Variants in CCDC7 observed in about 807,000 individuals in gnomAD.
CCDC7 encodes the protein coiled-coil domain-containing protein 7.
CCDC7 carries 183 observed loss-of-function variants against 196.9 expected under a neutral mutation model. That is an observed-to-expected ratio of 0.93 (90% CI 0.82 to 1.05). The LOEUF (loss-of-function observed/expected upper bound fraction) is 1.05. Ranked by LOEUF, CCDC7 falls within the 50% of genes least tolerant of loss-of-function variation. The pLI is 0.00. For missense variants in CCDC7, 1,540 were observed against 1,482.2 expected, an observed-to-expected ratio of 1.04 and a Z score of -0.64; for synonymous variants, 525 against 484.6, an observed-to-expected ratio of 1.08 and a Z score of -1.10.
exon 1 of CCDC7, chr10:32,451,797 T>C: frequency 6.2e-7 from 1 of 1,614,080 alleles, no homozygotes; most frequent in Admixed American, 1.7e-5. Flanking sequence ...GAACCAATGG[T>C]CCTAAGATCT....
At chr10:32,818,546 C>A (rs1013435183) in intron 31 of CCDC7, among the ~76,000 whole-genome samples, 8 of 152,168 alleles carry the variant, frequency 5.3e-5, no homozygotes, top group Non-Finnish European at 8.8e-5. Context: ...TTCTTTTCAG[C>A]ACCACACCAC....
intron 22 of CCDC7, among the ~76,000 whole-genome samples, chr10:32,688,837 T>G (rs983221021): frequency 1.3e-5 from 2 of 152,172 alleles, no homozygotes; most frequent in Non-Finnish European, 2.9e-5. Flanking sequence ...TAAAACATAT[T>G]CAAAGTGCAG....
chr10:32,770,509 A>G lies in CCDC7; in HGVS notation c.2906-8468A>G, dbSNP rs536513904. On this transcript the variant is annotated intron_variant, in intron 28 of 41. Coordinates refer to ENST00000639629, the Ensembl canonical transcript of CCDC7. ...ATAAGATTTTGATTTTATAAAATTT[A>G]TCAGGATTTGTTTTGTGGCCTATTA... is the stretch of plus-strand genomic sequence containing the variant. 4.6e-5 allele frequency among the ~76,000 whole-genome samples: 7 copies of G among 152,262 alleles called. No homozygotes were observed. The South Asian group carries it at 1.5e-3, about 32-fold the overall frequency.
At chr10:32,851,812 A>T (rs370936864) in exon 40 of CCDC7, 18 of 1,608,116 alleles carry the variant, frequency 1.1e-5, no homozygotes, top group African/African-American at 2.7e-5. Context: ...TCTAGAGGAA[A>T]CTTATGAGTA....
At chr10:32,739,865 C>CA (rs1202377025) in intron 28 of CCDC7, among the ~76,000 whole-genome samples, 1 of 151,668 alleles carries the variant, frequency 6.6e-6, no homozygotes, top group Admixed American at 6.6e-5. Flanking sequence ...TTTGCCCCCC[C>CA]CCACCAAACT....
At chr10:32,781,054 G>A (rs1233923428) in intron 29 of CCDC7, among the ~76,000 whole-genome samples, 1 of 151,968 alleles carries the variant, frequency 6.6e-6, no homozygotes, top group Admixed American at 6.6e-5. Flanking sequence ...CAAAAAAACT[G>A]GATAACCTAG....
intron 20 of CCDC7, among the ~76,000 whole-genome samples, chr10:32,662,087 C>T (rs2071592054): frequency 6.6e-6 from 1 of 152,164 alleles, no homozygotes; most frequent in Non-Finnish European, 1.5e-5. Flanking sequence ...CATAGGTGGG[C>T]ATCAGCTGAG....
rs1588716701 is a variant in CCDC7, at chr10:32,456,481, ATTTT to A, written c.456+150_456+153del. On this transcript the variant is annotated intron_variant, in intron 3 of 41. Coordinates refer to ENST00000639629, the Ensembl canonical transcript of CCDC7. Reference sequence around the variant, plus strand: ...TGGCATTGGAAAACATTATTTATTTATTTTTTATTCTTTTTTTTTAATCATCATC... The same window carrying A: ...TGGCATTGGAAAACATTATTTATTTATTATTCTTTTTTTTTAATCATCATC... 3 of 598,404 alleles carry A rather than the reference ATTTT, an allele frequency of 5.0e-6. No individual in the cohort carries two copies. In the East Asian group the frequency reaches 1.1e-4, roughly 22 times the overall value. 37.1% of individuals were successfully genotyped at this position (598,404 alleles called of 1,614,324 possible). A position where few individuals can be genotyped will look rare whatever the true frequency, so the allele number is the denominator to read the frequency against.
At chr10:32,798,460 C>T (rs543212416) in intron 29 of CCDC7, among the ~76,000 whole-genome samples, 93 of 152,292 alleles carry the variant, frequency 6.1e-4, no homozygotes, top group African/African-American at 1.8e-3. Flanking sequence ...GTCCACAGAA[C>T]GGGTCATCCT....
intron 16 of CCDC7, among the ~76,000 whole-genome samples, chr10:32,580,702 C>A (rs1458280958): frequency 6.6e-6 from 1 of 151,682 alleles, no homozygotes; most frequent in African/African-American, 2.4e-5. Flanking sequence ...TAATTTGTCT[C>A]GTATTTGCAT....
intron 9 of CCDC7, among the ~76,000 whole-genome samples, chr10:32,504,985 ATTG>A (rs1183087908): frequency 2.6e-5 from 4 of 152,128 alleles, no homozygotes; most frequent in African/African-American, 9.7e-5. Context: ...TGAACTGTCT[ATTG>A]TTGTAAATGA....
chr10:32,683,546 A>G lies in CCDC7; in HGVS notation c.2123-2424A>G, dbSNP rs923058708. On this transcript the variant is annotated intron_variant, in intron 21 of 41. Coordinates refer to ENST00000639629, the Ensembl canonical transcript of CCDC7. ...CTGTAGTTTGATAGGAATAGCATAGAATATGTAAATTGCTTTGAGTAGTAT... is the reference window on the plus strand; with the variant it reads ...CTGTAGTTTGATAGGAATAGCATAGGATATGTAAATTGCTTTGAGTAGTAT... 9.2e-5 allele frequency among the ~76,000 whole-genome samples: 14 copies of G among 152,220 alleles called. No homozygotes were observed. The South Asian group carries it at 1.0e-3, about 11-fold the overall frequency.
intron 29 of CCDC7, among the ~76,000 whole-genome samples, chr10:32,795,669 T>G (rs1592831581): frequency 6.6e-6 from 1 of 152,328 alleles, no homozygotes; most frequent in African/African-American, 2.4e-5. Flanking sequence ...TATTTATTTG[T>G]CTTCTTTGTC....
chr10:32,562,484 A>G (rs2055890618), intron 13 of CCDC7, among the ~76,000 whole-genome samples: 1 of 152,206 alleles, frequency 6.6e-6, no homozygotes, highest in Non-Finnish European at 1.5e-5. Context: ...CTGGGATGCA[A>G]GGCTGGTTCA....
At chr10:32,490,003 C>G (rs1407271691) in intron 8 of CCDC7, among the ~76,000 whole-genome samples, 1 of 152,070 alleles carries the variant, frequency 6.6e-6, no homozygotes, top group African/African-American at 2.4e-5. Flanking sequence ...TATTAGTTAT[C>G]TCAGTGGTGA....
intron 40 of CCDC7, among the ~76,000 whole-genome samples, 179 bp from the exon 42 acceptor site, chr10:32,854,221 C>T (rs548407069): frequency 3.3e-5 from 5 of 151,820 alleles, no homozygotes; most frequent in Non-Finnish European, 5.9e-5. Context: ...TATCAAATAC[C>T]AGGCAAGAAA....
At chr10:32,724,864 A>G (rs2082897590) in intron 25 of CCDC7, among the ~76,000 whole-genome samples, 1 of 152,096 alleles carries the variant, frequency 6.6e-6, no homozygotes, top group Non-Finnish European at 1.5e-5. Flanking sequence ...GCACATCCCT[A>G]CGGAGATCAC....
chr10:32,496,822 T>A (rs1041615523), intron 9 of CCDC7, among the ~76,000 whole-genome samples: 13 of 152,362 alleles, frequency 8.5e-5, no homozygotes, highest in Non-Finnish European at 1.6e-4. Flanking sequence ...TTCTCATTGA[T>A]GTTCATCAGG....
At chr10:32,451,514 A>C, upstream of CCDC7, 1 of 1,328,120 alleles carries the variant, frequency 7.5e-7, no homozygotes, top group African/African-American at 1.5e-5. Context: ...TGCTAAAGCC[A>C]TCAGAAAAAG....
Sources: allele counts gnomAD v4.1 joint callset (sites outside exome capture counted in the v4.1 genomes callset), GRCh38; gene constraint gnomAD v4.1.1; transcripts MANE v1.5; gene names NCBI Gene and HGNC (gene_info 2026-07-23, HGNC 2026-07-21).